Variants in PABPC4L observed in about 807,000 individuals in gnomAD.
The protein encoded by PABPC4L is poly(A) binding protein cytoplasmic 4 like.
For missense variants in PABPC4L, 452 were observed against 451.4 expected (o/e 1.00, Z -0.01); for synonymous variants, 169 against 164.1 (o/e 1.03, Z -0.23).
rs1201151048 is a variant in PABPC4L at position 134,200,503 on chromosome 4, T to G, written c.517A>C (p.Lys173Gln). Residue 173 changes from lysine to glutamine, a missense_variant, in exon 2 of 2, where the codon AAA becomes CAA. Physicochemically the swap from Lys to Gln is moderately conservative, Grantham distance 53. Transcript: ENST00000421491. ...TCAGCTTCACGATCTTTTCGGTTTT[T>G]GAATCTGCCAACAAACACCTTGCAG... The part of the protein sequence containing the change: ...KGCKVFVGRF[K>Q]NRKDREAELR... 6.4e-7 allele frequency: 1 copy of G among 1,551,684 alleles called. No individual in the cohort carries two copies.
At chr4:134,093,036 A>G in the PABPC4L span, among the ~76,000 whole-genome samples, 1 of 152,108 alleles carries the variant, frequency 6.6e-6, no homozygotes, top group African/African-American at 2.4e-5. Context: ...AAGTAGCTCA[A>G]TAATTTTTTT....
the PABPC4L span, among the ~76,000 whole-genome samples, chr4:134,041,883 A>C: frequency 6.6e-6 from 1 of 152,132 alleles, no homozygotes; most frequent in Non-Finnish European, 1.5e-5. Context: ...CCAAACAACT[A>C]AAAGTAGATC....
chr4:134,064,577 T>G, the PABPC4L span, among the ~76,000 whole-genome samples: 1 of 152,068 alleles, frequency 6.6e-6, no homozygotes, highest in African/African-American at 2.4e-5. Context: ...TAGAAACACT[T>G]GCTCTTTTTT....
At chr4:134,018,737 C>T in the PABPC4L span, among the ~76,000 whole-genome samples, 1 of 151,938 alleles carries the variant, frequency 6.6e-6, no homozygotes, top group Admixed American at 6.6e-5. Context: ...TCATATACAA[C>T]AATTTTCTAT....
At chr4:134,151,037 G>A in the PABPC4L span, among the ~76,000 whole-genome samples, 1 of 152,128 alleles carries the variant, frequency 6.6e-6, no homozygotes, top group Non-Finnish European at 1.5e-5. Context: ...AGACCCAAAT[G>A]AATACATACT....
the PABPC4L span, among the ~76,000 whole-genome samples, chr4:134,088,367 T>A: frequency 6.6e-6 from 1 of 152,046 alleles, no homozygotes; most frequent in Non-Finnish European, 1.5e-5. Flanking sequence ...AGAGGAAAAG[T>A]TTTTCTTCCA....
chr4:133,968,341 C>T, the PABPC4L span, among the ~76,000 whole-genome samples: 1 of 152,286 alleles, frequency 6.6e-6, no homozygotes, highest in East Asian at 1.9e-4. Flanking sequence ...AAACATCCTC[C>T]TCACATCCCA....
At chr4:134,121,071 A>G in the PABPC4L span, among the ~76,000 whole-genome samples, 2 of 151,200 alleles carry the variant, frequency 1.3e-5, no homozygotes, top group African/African-American at 2.4e-5. Context: ...TTAACTTTCT[A>G]TCCCACTAAC....
chr4:134,092,744 C>A, the PABPC4L span, among the ~76,000 whole-genome samples: 2 of 152,162 alleles, frequency 1.3e-5, no homozygotes, highest in East Asian at 3.9e-4. Context: ...CTCCCTCCCA[C>A]AAGGGGTTTG....
the PABPC4L span, among the ~76,000 whole-genome samples, chr4:134,141,420 T>C: frequency 2.0e-5 from 3 of 151,020 alleles, no homozygotes; most frequent in Non-Finnish European, 4.4e-5. Flanking sequence ...GAGCTATAGT[T>C]TTCAAAGATG....
the PABPC4L span, among the ~76,000 whole-genome samples, chr4:134,029,392 T>A: frequency 6.6e-6 from 1 of 152,064 alleles, no homozygotes; most frequent in Non-Finnish European, 1.5e-5. Flanking sequence ...TGGAAACCCC[T>A]AAGCCTGGTT....
At chr4:134,071,439 A>G in the PABPC4L span, among the ~76,000 whole-genome samples, 1 of 151,980 alleles carries the variant, frequency 6.6e-6, no homozygotes, top group Non-Finnish European at 1.5e-5. Context: ...TGGCCCTAGA[A>G]CCGATTGAGA....
At chr4:134,076,067 A>G in the PABPC4L span, among the ~76,000 whole-genome samples, 4 of 151,988 alleles carry the variant, frequency 2.6e-5, no homozygotes, top group Admixed American at 2.6e-4. Flanking sequence ...AACACACACT[A>G]CCTTTTTTTT....
the PABPC4L span, among the ~76,000 whole-genome samples, chr4:134,007,966 CAT>C: frequency 6.6e-6 from 1 of 151,570 alleles, no homozygotes; most frequent in Non-Finnish European, 1.5e-5. Flanking sequence ...CAGCAATAAT[CAT>C]AATCTAAGAT....
chr4:134,033,957 A>C, the PABPC4L span, among the ~76,000 whole-genome samples: 1 of 152,018 alleles, frequency 6.6e-6, no homozygotes, highest in Non-Finnish European at 1.5e-5. Flanking sequence ...TTTTCAATAC[A>C]TATATAACAC....
chr4:134,001,918 T>C, the PABPC4L span, among the ~76,000 whole-genome samples: 1 of 151,900 alleles, frequency 6.6e-6, no homozygotes, highest in East Asian at 1.9e-4. Context: ...GGTTTCAGAG[T>C]AGAGCTAATG....
the PABPC4L span, among the ~76,000 whole-genome samples, chr4:134,139,548 T>A: frequency 6.6e-6 from 1 of 151,964 alleles, no homozygotes; most frequent in Non-Finnish European, 1.5e-5. Flanking sequence ...TACTCTGTAA[T>A]AATGCTTCCA....
chr4:134,097,020 C>T, the PABPC4L span, among the ~76,000 whole-genome samples: 1 of 151,800 alleles, frequency 6.6e-6, no homozygotes, highest in African/African-American at 2.4e-5. Flanking sequence ...TCATGTTGTT[C>T]AATGGGAACA....
chr4:134,006,909 A>T, the PABPC4L span, among the ~76,000 whole-genome samples: 1 of 151,910 alleles, frequency 6.6e-6, no homozygotes, highest in Admixed American at 6.6e-5. Context: ...TGCAAAAAAA[A>T]AATTGTGTTG....
Sources: allele counts gnomAD v4.1 joint callset (sites outside exome capture counted in the v4.1 genomes callset), GRCh38; gene constraint gnomAD v4.1.1; transcripts MANE v1.5; gene names NCBI Gene and HGNC (gene_info 2026-07-23, HGNC 2026-07-21).